SYCP2L: variants seen among roughly 807,000 people sequenced by gnomAD.
SYCP2L encodes synaptonemal complex protein 2 like, also known as synaptonemal complex protein 2-like.
Under a neutral mutation model 125.8 loss-of-function variants are expected in SYCP2L, and 98 were observed. The observed-to-expected ratio is 0.78, with a 90% CI of 0.66 to 0.92. The LOEUF (loss-of-function observed/expected upper bound fraction) is 0.92, where lower values mean the gene tolerates loss of function less well. Ranked by LOEUF, SYCP2L falls within the 40% of genes least tolerant of loss-of-function variation. SYCP2L has a pLI of 0.00. For missense variants in SYCP2L, 842 were observed against 936.4 expected (o/e 0.90, Z 1.32); for synonymous variants, 317 against 325.4 (o/e 0.97, Z 0.28).
intron 23 of SYCP2L, among the ~76,000 whole-genome samples, chr6:10,945,631 G>A (rs1781301677): frequency 6.6e-6 from 1 of 152,078 alleles, no homozygotes; most frequent in African/African-American, 2.4e-5. Context: ...TTAACCAGGT[G>A]TGATGGTGCA....
chr6:10,928,260 G>A lies in SYCP2L; in HGVS notation c.1441-143G>A, dbSNP rs913272066. 44 of 488,858 alleles carry A rather than the reference G, an allele frequency of 9.0e-5. 1 individual carries two copies. Among genetic ancestry groups the A allele is most frequent in the Admixed American group, 2.3e-4 (6 of 25,712 alleles). 30.3% of individuals were successfully genotyped at this position (488,858 alleles called of 1,614,324 possible). ...ATCACAAGGCATAGGAAATCACAAGGGGAAGTGATAAGTGTCCATGAAATC... is the reference window on the plus strand; with the variant it reads ...ATCACAAGGCATAGGAAATCACAAGAGGAAGTGATAAGTGTCCATGAAATC... On this transcript the variant is annotated intron_variant, in intron 17 of 29. Coordinates refer to ENST00000283141, the MANE Select transcript of SYCP2L (RefSeq NM_001040274.3).
chr6:10,958,909 G>A (rs1232124886), intron 26 of SYCP2L, 34 bp downstream of exon 26: 1 of 1,583,092 alleles, frequency 6.3e-7, no homozygotes, highest in East Asian at 2.2e-5. Context: ...GGTCGTGGAA[G>A]TGTGATCACT....
chr6:10,913,922 C>T lies in SYCP2L; in HGVS notation c.1072+995C>T, dbSNP rs1337444135. On this transcript the variant is annotated intron_variant, in intron 14 of 29. Transcript: ENST00000283141. Reference sequence around the variant, plus strand: ...TCTTGGCTCACCACAAACTCTGCCTCCCAGGTTCAAGCAATTCTTGTGCTT... The same window carrying T: ...TCTTGGCTCACCACAAACTCTGCCTTCCAGGTTCAAGCAATTCTTGTGCTT... Among the ~76,000 whole-genome samples, 3 of 151,942 alleles carry T rather than the reference C, an allele frequency of 2.0e-5. No individual in the cohort carries two copies. In the East Asian group the frequency reaches 5.8e-4, roughly 29 times the overall value.
At chr6:10,898,370 G>A (rs908387628) in intron 5 of SYCP2L, among the ~76,000 whole-genome samples, 13 of 152,026 alleles carry the variant, frequency 8.6e-5, no homozygotes, top group Middle Eastern at 3.2e-3. Flanking sequence ...GAAATTCGCC[G>A]GGCGTGGTGG....
In SYCP2L at chr6:10,928,863, C is replaced by T. The variant is rs1239755656; in HGVS notation, c.1488+413C>T. ...AGCCATCTGTCAATTTTTTGACCAT[C>T]CCCTCCTTGAGATTGTTTTTGCCTC... On this transcript the variant is annotated intron_variant, in intron 18 of 29. Coordinates refer to ENST00000283141, the MANE Select transcript of SYCP2L (RefSeq NM_001040274.3). Among the ~76,000 whole-genome samples the T allele has an allele frequency of 5.3e-5, 8 of 151,666 alleles. 1 individual carries two copies.
Position 10,912,583 on chromosome 6 carries a change from C to A in SYCP2L, c.919-90C>A. 1.1e-6 allele frequency: 1 copy of A among 941,702 alleles called. No homozygotes were observed. Among genetic ancestry groups the A allele is most frequent in the Non-Finnish European group, 1.6e-6 (1 of 609,910 alleles). The allele number at this position is 941,702 out of a possible 1,614,324, so 58.3% of individuals were successfully genotyped here. On this transcript the variant is annotated intron_variant, in intron 12 of 29. Transcript: ENST00000283141. The surrounding 1 kb of genome is among the most constrained non-coding windows in gnomAD (Gnocchi z 4.1). ...TAGGATAATGCTGTTCCAGGAAGAG[C>A]ACAAATTCTATTTTCAAGGGAATAA... is the stretch of plus-strand genomic sequence containing the variant.
At chr6:10,925,969 G>A (rs970916910) in intron 15 of SYCP2L, among the ~76,000 whole-genome samples, 1 of 152,194 alleles carries the variant, frequency 6.6e-6, no homozygotes, top group Non-Finnish European at 1.5e-5. Context: ...AGGGAAAGGG[G>A]TTGGACTGAG....
At chr6:10,961,776 T>G (rs1015686737) in intron 28 of SYCP2L, among the ~76,000 whole-genome samples, 47 of 152,212 alleles carry the variant, frequency 3.1e-4, no homozygotes, top group African/African-American at 1.1e-3. Context: ...TGTCCAATTT[T>G]CTGTGTTTTT....
rs1780933624 is a variant in SYCP2L, at chr6:10,928,268, A to G, written c.1441-135A>G. ...GCATAGGAAATCACAAGGGGAAGTGATAAGTGTCCATGAAATCTTCACAAT... is the reference window on the plus strand; with the variant it reads ...GCATAGGAAATCACAAGGGGAAGTGGTAAGTGTCCATGAAATCTTCACAAT... On this transcript the variant is annotated intron_variant, in intron 17 of 29. Coordinates refer to ENST00000283141, the MANE Select transcript of SYCP2L (RefSeq NM_001040274.3). 5.9e-6 allele frequency: 3 copies of G among 508,026 alleles called. No individual in the cohort carries two copies. In the African/African-American group the frequency reaches 6.0e-5, roughly 10 times the overall value. The allele number at this position is 508,026 out of a possible 1,614,324, so 31.5% of individuals were successfully genotyped here.
chr6:10,969,823 A>G (rs1781742295), intron 29 of SYCP2L, among the ~76,000 whole-genome samples: 1 of 152,216 alleles, frequency 6.6e-6, no homozygotes, highest in Non-Finnish European at 1.5e-5. Flanking sequence ...AAAGATTTAC[A>G]TGATATTAAT....
In SYCP2L at chr6:10,893,877, T is replaced by A. The variant is rs1273140690; in HGVS notation, c.89T>A (p.Leu30His). Residue 30 changes from leucine (L) to histidine (H), a missense_variant, in exon 3 of 30, where the codon CTT (leucine) becomes CAT (histidine). By Grantham distance (99) the Leu-to-His change is moderately conservative. Coordinates refer to ENST00000283141, the MANE Select transcript of SYCP2L (RefSeq NM_001040274.3). ...AQDDAFWLQSLITDAFHDKGF... is the reference protein window; with the variant it reads ...AQDDAFWLQSHITDAFHDKGF... ...CTATCATCTTTCCAGCTTCAATCACTTATTACGGATGCATTCCATGATAAA... is the reference window on the plus strand; with the variant it reads ...CTATCATCTTTCCAGCTTCAATCACATATTACGGATGCATTCCATGATAAA... The A allele has an allele frequency of 6.2e-7, 1 of 1,608,394 alleles. No individual in the cohort carries two copies.
At chr6:10,961,684 C>T in intron 28 of SYCP2L, 126 bp downstream of exon 28, 1 of 910,808 alleles carries the variant, frequency 1.1e-6, no homozygotes, top group Non-Finnish European at 1.7e-6. Context: ...ATCTTTTGAA[C>T]CGGCCACTTC....
At chr6:10,896,771 G>C (rs1581815643) in intron 4 of SYCP2L, among the ~76,000 whole-genome samples, 2 of 152,222 alleles carry the variant, frequency 1.3e-5, no homozygotes, top group Non-Finnish European at 1.5e-5. Context: ...AAACTCAGGT[G>C]GGGGTGTATC....
intron 14 of SYCP2L, among the ~76,000 whole-genome samples, chr6:10,919,202 G>C (rs1009767355): frequency 7.2e-5 from 11 of 152,278 alleles, no homozygotes; most frequent in Admixed American, 7.2e-4. Context: ...ATTTGGGTAG[G>C]CTCTGTCAGA....
intron 15 of SYCP2L, among the ~76,000 whole-genome samples, chr6:10,925,457 T>A (rs1347275416): frequency 1.3e-5 from 2 of 152,204 alleles, no homozygotes; most frequent in Non-Finnish European, 2.9e-5. Context: ...GGTCTCCAAC[T>A]CTCTCTGTTT....
chr6:10,972,343 C>T (rs1781788494), intron 29 of SYCP2L, among the ~76,000 whole-genome samples: 1 of 152,180 alleles, frequency 6.6e-6, no homozygotes, highest in South Asian at 2.1e-4. Context: ...TAATTCCCAG[C>T]TCCAATAGAG....
At chr6:10,918,066 T>G (rs1336728678) in intron 14 of SYCP2L, among the ~76,000 whole-genome samples, 3 of 152,042 alleles carry the variant, frequency 2.0e-5, no homozygotes, top group African/African-American at 7.2e-5. Flanking sequence ...TTTGTCTCAC[T>G]GCTCTCAAGA....
intron 23 of SYCP2L, among the ~76,000 whole-genome samples, chr6:10,951,672 G>T (rs1171403840): frequency 6.6e-6 from 1 of 152,092 alleles, no homozygotes; most frequent in African/African-American, 2.4e-5. Context: ...TACTTGCCTT[G>T]GGAAAGCGCT....
At chr6:10,958,517 AAT>A (rs2113410628) in intron 25 of SYCP2L, among the ~76,000 whole-genome samples, 1 of 152,292 alleles carries the variant, frequency 6.6e-6, no homozygotes, top group East Asian at 1.9e-4. Context: ...ATTACATTTC[AAT>A]ATGAGATTTG....
Sources: gnomAD v4.1 joint callset for allele counts (sites outside exome capture counted in the v4.1 genomes callset) on GRCh38, gnomAD v4.1.1 for gene constraint, Gnocchi (gnomAD v3.1) non-coding constraint, MANE v1.5 for transcripts, NCBI Gene and HGNC (gene_info 2026-07-23, HGNC 2026-07-21) for gene names.